Variants in SPMIP1 observed in about 807,000 individuals in gnomAD.
SPMIP1 encodes sperm microtubule inner protein 1, also known as protein SPMIP1.
the SPMIP1 span, among the ~76,000 whole-genome samples, chr7:128,867,869 A>G: frequency 2.0e-4 from 31 of 152,246 alleles, 1 homozygote; most frequent in East Asian, 1.7e-3. Flanking sequence ...CGGCTGGCCT[A>G]TAGGTGCTAT....
chr7:128,869,586 G>T, the SPMIP1 span: 1 of 152,196 alleles, frequency 6.6e-6, no homozygotes, highest in Non-Finnish European at 1.5e-5. Context: ...TGCCCCGCCC[G>T]CTCCAGGCAG....
the SPMIP1 span, among the ~76,000 whole-genome samples, chr7:128,867,481 G>GA: frequency 6.6e-6 from 1 of 152,240 alleles, no homozygotes; most frequent in Non-Finnish European, 1.5e-5. Context: ...TGTTATGCTT[G>GA]AAGTGTCTGT....
the SPMIP1 span, among the ~76,000 whole-genome samples, chr7:128,867,163 AC>A: frequency 1.3e-5 from 2 of 152,110 alleles, no homozygotes; most frequent in African/African-American, 4.8e-5. Context: ...TTAAAAAGTC[AC>A]CCTGACCTGT....
chr7:128,866,594 T>TCCCCCCCCCCCCCCCCCCCA, the SPMIP1 span: 1 of 931,518 alleles, frequency 1.1e-6, no homozygotes, highest in Admixed American at 3.1e-5. Context: ...AAAGCCCCAC[T>TCCCCCCCCCCCCCCCCCCCA]CTCACCCCCA....
At chr7:128,868,626 C>A in the SPMIP1 span, 1 of 1,366,450 alleles carries the variant, frequency 7.3e-7, no homozygotes, top group South Asian at 1.3e-5. Flanking sequence ...CGTGTCCCTC[C>A]CTCAGGAACC....
At chr7:128,872,018 G>A in the SPMIP1 span, 1 of 152,164 alleles carries the variant, frequency 6.6e-6, no homozygotes, top group East Asian at 1.9e-4. Context: ...AAAGCTTATG[G>A]CTTTGCTAGA....
At chr7:128,867,304 G>A in the SPMIP1 span, among the ~76,000 whole-genome samples, 98 of 152,308 alleles carry the variant, frequency 6.4e-4, no homozygotes, top group South Asian at 8.3e-4. Flanking sequence ...ATGTTTTGGG[G>A]GAAGACTCGG....
chr7:128,866,802 CA>C, the SPMIP1 span: 1 of 1,534,888 alleles, frequency 6.5e-7, no homozygotes, highest in Non-Finnish European at 8.7e-7. Flanking sequence ...TCCCCATCAC[CA>C]CCAGCTTCAC....
the SPMIP1 span, chr7:128,866,433 C>G: frequency 6.5e-7 from 1 of 1,531,382 alleles, no homozygotes; most frequent in Admixed American, 2.0e-5. Context: ...TCAACATAGA[C>G]GCGTTACGGC....
chr7:128,868,512 A>G, the SPMIP1 span, among the ~76,000 whole-genome samples: 1 of 152,182 alleles, frequency 6.6e-6, no homozygotes, highest in African/African-American at 2.4e-5. Flanking sequence ...GTATTTGCCC[A>G]TAGCTCCCAT....
At chr7:128,869,704 C>G in the SPMIP1 span, 2 of 152,262 alleles carry the variant, frequency 1.3e-5, no homozygotes, top group Non-Finnish European at 2.9e-5. Context: ...GCTGCAGAGC[C>G]GTCACCTGCT....
the SPMIP1 span, among the ~76,000 whole-genome samples, chr7:128,867,957 C>T: frequency 6.6e-6 from 1 of 151,918 alleles, no homozygotes; most frequent in Non-Finnish European, 1.5e-5. Flanking sequence ...TGAGCCAGAG[C>T]GGGTAGGGGA....
chr7:128,868,568 C>A, the SPMIP1 span: 1 of 675,568 alleles, frequency 1.5e-6, no homozygotes, highest in South Asian at 2.2e-5. Flanking sequence ...GGCTACTCCA[C>A]TGACGGATTC....
At chr7:128,868,953 A>ACTT in the SPMIP1 span, 3 of 554,946 alleles carry the variant, frequency 5.4e-6, no homozygotes, top group African/African-American at 1.9e-5. Context: ...AACCCTCATC[A>ACTT]CTTTAATCAT....
chr7:128,866,680 G>A, the SPMIP1 span: 1 of 1,534,934 alleles, frequency 6.5e-7, no homozygotes, highest in Non-Finnish European at 8.7e-7. Flanking sequence ...AATGTACCCG[G>A]TACCACCTAT....
chr7:128,870,771 G>A, the SPMIP1 span: 4 of 152,272 alleles, frequency 2.6e-5, no homozygotes, highest in African/African-American at 9.6e-5. Flanking sequence ...GTTTGAGAGG[G>A]AACCTGCAGA....
the SPMIP1 span, chr7:128,871,320 T>A: frequency 2.6e-5 from 4 of 152,354 alleles, no homozygotes; most frequent in East Asian, 7.7e-4. Flanking sequence ...GCTGGGTGCC[T>A]GGGTTCCTCA....
the SPMIP1 span, among the ~76,000 whole-genome samples, chr7:128,867,792 G>A: frequency 2.0e-5 from 3 of 152,070 alleles, no homozygotes; most frequent in Non-Finnish European, 2.9e-5. Flanking sequence ...GGCTGGTCTC[G>A]AACTGCTGAC....
the SPMIP1 span, chr7:128,868,748 G>T: frequency 1.3e-6 from 2 of 1,535,542 alleles, no homozygotes; most frequent in Admixed American, 3.9e-5. Flanking sequence ...CCTTCGCACT[G>T]CTTGATCCCC....
Sources: allele counts gnomAD v4.1 joint callset (sites outside exome capture counted in the v4.1 genomes callset), GRCh38; gene constraint gnomAD v4.1.1; transcripts MANE v1.5; gene names NCBI Gene and HGNC (gene_info 2026-07-23, HGNC 2026-07-21).